Variants in TBC1D4 observed in about 807,000 individuals in gnomAD.
TBC1D4 encodes the protein TBC1 domain family member 4.
Under a neutral mutation model 142.5 loss-of-function variants are expected in TBC1D4, and 121 were observed. The observed-to-expected ratio is 0.85, with a 90% confidence interval of 0.73 to 0.99. The LOEUF (loss-of-function observed/expected upper bound fraction) is 0.99, where lower values mean the gene tolerates loss of function less well. TBC1D4 is among the 50% of genes least tolerant of loss of function. The pLI, the probability that TBC1D4 is intolerant of heterozygous loss-of-function variation, is 0.00. For missense variants in TBC1D4, 1,475 were observed against 1,606.6 expected (o/e 0.92, Z 1.40); for synonymous variants, 630 against 628.2 (o/e 1.00, Z -0.04).
intron 20 of TBC1D4, among the ~76,000 whole-genome samples, chr13:75,287,298 G>T (rs933495938): frequency 1.4e-4 from 21 of 152,152 alleles, no homozygotes; most frequent in Admixed American, 1.2e-3. Flanking sequence ...ACACCCACTG[G>T]TGTTCCCCTG....
chr13:75,293,210 A>G (rs1875527350), intron 18 of TBC1D4, among the ~76,000 whole-genome samples: 1 of 152,158 alleles, frequency 6.6e-6, no homozygotes, highest in Admixed American at 6.6e-5. Context: ...TTTTTTATGA[A>G]AGTTTCTCTC....
At chr13:75,395,869 G>GATA (rs749798422) in intron 1 of TBC1D4, among the ~76,000 whole-genome samples, 29 of 152,088 alleles carry the variant, frequency 1.9e-4, no homozygotes, top group Non-Finnish European at 3.1e-4. Context: ...TAAAAGAAAT[G>GATA]ATACCTTGGT....
intron 1 of TBC1D4, among the ~76,000 whole-genome samples, chr13:75,474,727 C>T (rs1888565073): frequency 6.6e-6 from 1 of 151,620 alleles, no homozygotes; most frequent in Non-Finnish European, 1.5e-5. Flanking sequence ...ACCTCCATCT[C>T]CCAGGTTCAA....
At chr13:75,287,138 A>G in intron 20 of TBC1D4, 113 bp from the exon 21 acceptor site, 1 of 880,548 alleles carries the variant, frequency 1.1e-6, no homozygotes. Context: ...TATGTGAAGC[A>G]AATACTCTGA....
intron 1 of TBC1D4, among the ~76,000 whole-genome samples, chr13:75,470,815 G>A (rs1375505690): frequency 2.0e-5 from 3 of 152,002 alleles, no homozygotes; most frequent in Non-Finnish European, 4.4e-5. Flanking sequence ...GTGAAACCTC[G>A]TTTCTACCAA....
At position 75,481,395 on chromosome 13, in the gene TBC1D4, G is replaced by T. The variant is rs763689382; in HGVS notation, c.373C>A (p.His125Asn). ...AVFIFEHKAQ[H>N]ISRFIHNSHD... Reference sequence around the variant, plus strand: ...CTGTTGTGGATGAAGCGCGAGATATGCTGCGCCTTGTGCTCGAAGATGAAT... The same window carrying T: ...CTGTTGTGGATGAAGCGCGAGATATTCTGCGCCTTGTGCTCGAAGATGAAT... The change falls in exon 1 of 21, where the codon CAT (histidine) becomes AAT (asparagine). Residue 125 changes from histidine (H) to asparagine (N), a missense_variant. By Grantham distance (68) the His-to-Asn change is moderately conservative (BLOSUM62 1). Around this residue, in one of 2 missense-constraint regions of TBC1D4, gnomAD observed 1,227 missense variants for 1,267.7 expected, o/e 0.97. Coordinates refer to ENST00000377636, the MANE Select transcript of TBC1D4 (RefSeq NM_014832.5). The T allele has an allele frequency of 6.2e-7, 1 of 1,613,924 alleles. No individual in the cohort carries two copies.
chr13:75,408,583 T>C lies in TBC1D4; in HGVS notation c.499-45976A>G, dbSNP rs147970348. Among the ~76,000 whole-genome samples the C allele has an allele frequency of 4.6e-5, 7 of 152,354 alleles. No individual in the cohort carries two copies. In the East Asian group the frequency reaches 1.3e-3, roughly 29 times the overall value. On this transcript the variant is annotated intron_variant, in intron 1 of 20. Transcript: ENST00000377636. ...TACGTTTTCATTTCTCTTGGGTAGA[T>C]AACTGGGAGTCGAACTGCTGAGTTA...
At position 75,418,370 on chromosome 13, in the gene TBC1D4, G is replaced by A. The variant is rs563493233; in HGVS notation, c.499-55763C>T. 2.6e-4 allele frequency among the ~76,000 whole-genome samples: 40 copies of A among 152,304 alleles called. 1 individual carries two copies. The South Asian group carries it at 8.1e-3, about 31-fold the overall frequency. ...GGATAATTACTTTTCCTGCCAGACA[G>A]GAGATGGATCTGGGACAGTTACACA... is the stretch of plus-strand genomic sequence containing the variant. On this transcript the variant is annotated intron_variant, in intron 1 of 20. Coordinates refer to ENST00000377636, the MANE Select transcript of TBC1D4 (RefSeq NM_014832.5).
chr13:75,441,577 A>G (rs1252876469), intron 1 of TBC1D4, among the ~76,000 whole-genome samples: 2 of 152,216 alleles, frequency 1.3e-5, no homozygotes, highest in African/African-American at 2.4e-5. Context: ...ATTACTTTTG[A>G]AATCTAAAAA....
chr13:75,317,326 A>G (rs541236900), intron 12 of TBC1D4, among the ~76,000 whole-genome samples: 201 of 152,316 alleles, frequency 1.3e-3, no homozygotes, highest in African/African-American at 4.7e-3. Flanking sequence ...TTGATTGGGT[A>G]CTTCTCTTTC....
intron 1 of TBC1D4, among the ~76,000 whole-genome samples, chr13:75,398,705 C>G (rs1884928086): frequency 6.6e-6 from 1 of 152,170 alleles, no homozygotes; most frequent in Non-Finnish European, 1.5e-5. Context: ...TCTGCAGTCC[C>G]TCTCAGCAAA....
intron 12 of TBC1D4, among the ~76,000 whole-genome samples, chr13:75,313,533 A>G (rs1877989022): frequency 6.6e-6 from 1 of 152,118 alleles, no homozygotes; most frequent in African/African-American, 2.4e-5. Flanking sequence ...ATTGACATTT[A>G]TTTTGTGAGA....
At chr13:75,316,176 A>G (rs1236959046) in intron 12 of TBC1D4, among the ~76,000 whole-genome samples, 2 of 152,200 alleles carry the variant, frequency 1.3e-5, no homozygotes, top group Non-Finnish European at 2.9e-5. Flanking sequence ...ACTGCTAATG[A>G]CATATCAAGT....
chr13:75,396,667 T>G lies in TBC1D4; in HGVS notation c.499-34060A>C, dbSNP rs559238310. Among the ~76,000 whole-genome samples the G allele has an allele frequency of 3.8e-4, 58 of 151,846 alleles. 2 individuals are homozygous for G. The South Asian group carries it at 0.012, about 30-fold the overall frequency. On this transcript the variant is annotated intron_variant, in intron 1 of 20. Coordinates refer to ENST00000377636, the MANE Select transcript of TBC1D4 (RefSeq NM_014832.5). Reference sequence around the variant, plus strand: ...ATGTAATTCCTAAAATTCAAAAATATTAATAAGAAAAAGAAAAAAACAATG... The same window carrying G: ...ATGTAATTCCTAAAATTCAAAAATAGTAATAAGAAAAAGAAAAAAACAATG...
At chr13:75,449,568 C>A (rs1342091217) in intron 1 of TBC1D4, among the ~76,000 whole-genome samples, 3 of 151,586 alleles carry the variant, frequency 2.0e-5, no homozygotes, top group Admixed American at 6.6e-5. Context: ...CGCGCACACA[C>A]ACAGTTTTAA....
intron 8 of TBC1D4, among the ~76,000 whole-genome samples, chr13:75,331,955 C>T (rs1028524659): frequency 7.9e-5 from 12 of 151,996 alleles, no homozygotes; most frequent in Non-Finnish European, 1.3e-4. Context: ...CAATCTGTTG[C>T]ACACGGTACA....
chr13:75,354,241 T>G (rs1881853462), intron 4 of TBC1D4, among the ~76,000 whole-genome samples: 1 of 152,160 alleles, frequency 6.6e-6, no homozygotes, highest in African/African-American at 2.4e-5. Context: ...ACAATATAGA[T>G]TTTGTCCCTT....
At chr13:75,375,006 A>C (rs375051844) in intron 1 of TBC1D4, among the ~76,000 whole-genome samples, 135 of 152,296 alleles carry the variant, frequency 8.9e-4, no homozygotes, top group African/African-American at 2.8e-3. Flanking sequence ...AAGCTGGTCC[A>C]GTGACAGGTA....
At chr13:75,420,900 C>T (rs765637201) in intron 1 of TBC1D4, among the ~76,000 whole-genome samples, 5 of 152,064 alleles carry the variant, frequency 3.3e-5, no homozygotes, top group Admixed American at 1.3e-4. Context: ...CTTCAGAAAA[C>T]GGACCTTGAG....
Sources: gnomAD v4.1 joint callset for allele counts (sites outside exome capture counted in the v4.1 genomes callset) on GRCh38, gnomAD v4.1.1 for gene constraint, gnomAD v4.1.1 regional missense constraint, MANE v1.5 for transcripts, NCBI Gene and HGNC (gene_info 2026-07-23, HGNC 2026-07-21) for gene names.